MYO16: variants seen among roughly 807,000 people sequenced by gnomAD.
MYO16 encodes the protein myosin XVI.
Under a neutral mutation model 205.3 loss-of-function variants are expected in MYO16, and 94 were observed. The ratio of observed to expected loss-of-function variants is 0.46; its 90% CI spans 0.39 to 0.54. MYO16 has a LOEUF of 0.54. Among genes scored for constraint, MYO16 ranks in the 20% least tolerant of loss-of-function variants. The pLI is 0.00. For missense variants in MYO16, 2,315 were observed against 2,387.5 expected (o/e 0.97, Z 0.63); for synonymous variants, 988 against 954.0 (o/e 1.04, Z -0.66).
intron 32 of MYO16, among the ~76,000 whole-genome samples, chr13:109,153,017 C>T (rs545857591): frequency 3.9e-5 from 6 of 152,192 alleles, no homozygotes; most frequent in Non-Finnish European, 5.9e-5. Context: ...TTGAAAACTC[C>T]GACGCATCCA....
At chr13:108,605,895 T>C (rs957614916) in intron 1 of MYO16, among the ~76,000 whole-genome samples, 3 of 152,178 alleles carry the variant, frequency 2.0e-5, no homozygotes, top group African/African-American at 7.2e-5. Flanking sequence ...GTGGAAAAGT[T>C]TGGAACTTCC....
intron 16 of MYO16, among the ~76,000 whole-genome samples, chr13:108,952,920 G>A (rs1181021528): frequency 2.0e-5 from 3 of 151,988 alleles, no homozygotes; most frequent in African/African-American, 4.8e-5. Context: ...ATCAATAATG[G>A]GGCAAAATTG....
intron 14 of MYO16, among the ~76,000 whole-genome samples, chr13:108,894,101 G>A (rs559348879): frequency 6.6e-6 from 1 of 152,296 alleles, no homozygotes; most frequent in South Asian, 2.1e-4. Context: ...CTTACATGAT[G>A]GCAGGAGAGA....
chr13:108,646,605 A>C (rs1433825859), intron 1 of MYO16, among the ~76,000 whole-genome samples: 1 of 152,138 alleles, frequency 6.6e-6, no homozygotes, highest in Non-Finnish European at 1.5e-5. Context: ...ATCTAACTTG[A>C]CCTTCTCCAA....
intron 1 of MYO16, among the ~76,000 whole-genome samples, chr13:108,650,522 T>C (rs1441117942): frequency 1.3e-5 from 2 of 152,188 alleles, no homozygotes; most frequent in Admixed American, 6.5e-5. Context: ...TGATCAAAGA[T>C]GAAATATGTA....
chr13:108,714,057 T>TTTG (rs917329423), intron 3 of MYO16, among the ~76,000 whole-genome samples: 5 of 152,070 alleles, frequency 3.3e-5, no homozygotes, highest in East Asian at 1.9e-4. Context: ...TTTGTTTGTT[T>TTTG]TTGTTGTTGT....
At chr13:109,022,542 G>A (rs1449145959) in intron 23 of MYO16, among the ~76,000 whole-genome samples, 2 of 125,656 alleles carry the variant, frequency 1.6e-5, no homozygotes, top group Admixed American at 8.6e-5. Flanking sequence ...ATAAACATAT[G>A]TATATATTTC....
intron 16 of MYO16, among the ~76,000 whole-genome samples, chr13:108,952,162 A>G (rs1221265791): frequency 6.8e-6 from 1 of 148,068 alleles, no homozygotes; most frequent in African/African-American, 2.5e-5. Context: ...AATAAATAAA[A>G]CGATATATAG....
chr13:108,873,472 G>A (rs1167212072), intron 12 of MYO16, among the ~76,000 whole-genome samples: 4 of 152,196 alleles, frequency 2.6e-5, no homozygotes, highest in African/African-American at 4.8e-5. Context: ...TACACAAGGC[G>A]GCAGGCAGCC....
intron 2 of MYO16, among the ~76,000 whole-genome samples, chr13:108,682,452 A>C (rs571235749): frequency 6.9e-6 from 1 of 145,498 alleles, no homozygotes; most frequent in African/African-American, 2.6e-5. Flanking sequence ...GGTGCTTCCC[A>C]TTCACTTGTA....
chr13:108,901,808 A>G (rs542104026), intron 15 of MYO16, among the ~76,000 whole-genome samples: 2 of 152,328 alleles, frequency 1.3e-5, no homozygotes, highest in African/African-American at 4.8e-5. Flanking sequence ...AAACTGCTAT[A>G]AAACAAAGTA....
At chr13:108,806,482 A>G (rs1162223832) in intron 6 of MYO16, among the ~76,000 whole-genome samples, 197 bp from the exon 7 acceptor site, 1 of 152,232 alleles carries the variant, frequency 6.6e-6, no homozygotes, top group Non-Finnish European at 1.5e-5. Flanking sequence ...ATTAATAAAC[A>G]TAAGCGTACT....
the MYO16 span, among the ~76,000 whole-genome samples, chr13:108,513,201 G>A: frequency 7.4e-4 from 66 of 88,714 alleles, 5 homozygotes; most frequent in Admixed American, 4.8e-3. Context: ...GTTTAGTCTT[G>A]GGAGAGTGTA....
chr13:108,931,106 C>T (rs1882236555), intron 16 of MYO16, among the ~76,000 whole-genome samples: 1 of 152,172 alleles, frequency 6.6e-6, no homozygotes, highest in Non-Finnish European at 1.5e-5. Context: ...CACTCACACA[C>T]CTGCTCTTCC....
chr13:108,986,955 C>G (rs1884661182), intron 20 of MYO16, among the ~76,000 whole-genome samples: 1 of 152,184 alleles, frequency 6.6e-6, no homozygotes, highest in Admixed American at 6.5e-5. Flanking sequence ...GGGCAGCTTA[C>G]TTCACCATTC....
chr13:109,121,449 C>T (rs552953191), intron 29 of MYO16, among the ~76,000 whole-genome samples: 12 of 152,344 alleles, frequency 7.9e-5, no homozygotes, highest in East Asian at 5.8e-4. Flanking sequence ...TATTCAGGAG[C>T]ACTTCAGGGA....
At chr13:108,789,092 G>A (rs919855096) in intron 5 of MYO16, among the ~76,000 whole-genome samples, 9 of 152,034 alleles carry the variant, frequency 5.9e-5, no homozygotes, top group Admixed American at 2.6e-4. Flanking sequence ...TCCTGCATAC[G>A]CAGTTTTATT....
chr13:109,195,160 T>TA (rs921666666), intron 34 of MYO16, among the ~76,000 whole-genome samples: 28 of 151,980 alleles, frequency 1.8e-4, no homozygotes, highest in Admixed American at 1.5e-3. Context: ...CCAGATAAGG[T>TA]AAAAAATGCA....
chr13:108,898,351 A>AGAGTGTGTGTGTGTGT (rs1555310476), intron 15 of MYO16, among the ~76,000 whole-genome samples: 2 of 144,992 alleles, frequency 1.4e-5, no homozygotes. Flanking sequence ...AGGGTGTGTG[A>AGAGTGTGTGTGTGTGT]GTGTGTGTGT....
Sources: allele counts gnomAD v4.1 joint callset (sites outside exome capture counted in the v4.1 genomes callset), GRCh38; gene constraint gnomAD v4.1.1; transcripts MANE v1.5; gene names NCBI Gene and HGNC (gene_info 2026-07-23, HGNC 2026-07-21).